The following MAML2 variants were observed in gnomAD, a reference collection of about 807,000 sequenced individuals.
MAML2 encodes the protein mastermind-like protein 2.
A neutral mutation model predicts 96.1 loss-of-function variants in MAML2; 22 were observed. The observed-to-expected ratio is 0.23, with a 90% CI of 0.16 to 0.33. The LOEUF (loss-of-function observed/expected upper bound fraction) is 0.33, where lower values mean the gene tolerates loss of function less well. MAML2 is among the 10% of genes least tolerant of loss of function. MAML2 has a pLI of 1.00. For missense variants in MAML2, 1,367 were observed against 1,392.4 expected (o/e 0.98, Z 0.29); for synonymous variants, 561 against 521.3 (o/e 1.08, Z -1.04).
intron 1 of MAML2, among the ~76,000 whole-genome samples, chr11:96,252,436 T>C (rs1272081901): frequency 6.6e-6 from 1 of 150,434 alleles, no homozygotes; most frequent in African/African-American, 2.5e-5. Flanking sequence ...TTTTTTTTTT[T>C]TTTTTTTTGA....
At chr11:96,077,144 A>AT (rs960122576) in intron 2 of MAML2, among the ~76,000 whole-genome samples, 135 of 147,154 alleles carry the variant, frequency 9.2e-4, no homozygotes, top group African/African-American at 3.2e-3. Context: ...TCAGAAATGC[A>AT]TTTTTTGGCT....
intron 1 of MAML2, among the ~76,000 whole-genome samples, chr11:96,335,989 A>G (rs561251671): frequency 6.6e-6 from 1 of 152,206 alleles, no homozygotes; most frequent in African/African-American, 2.4e-5. Flanking sequence ...TCTCTCTACT[A>G]CCAACTACTA....
chr11:96,027,138 C>T (rs1858537378), intron 2 of MAML2, among the ~76,000 whole-genome samples: 1 of 152,162 alleles, frequency 6.6e-6, no homozygotes, highest in South Asian at 2.1e-4. Context: ...ACTGAATTGG[C>T]TACAGTCTCA....
intron 2 of MAML2, among the ~76,000 whole-genome samples, chr11:96,016,767 T>G (rs1858358922): frequency 6.6e-6 from 1 of 152,136 alleles, no homozygotes; most frequent in Non-Finnish European, 1.5e-5. Flanking sequence ...TAATAACTAT[T>G]GTTAGTATCC....
At position 95,979,474 on chromosome 11, in the gene MAML2, G is replaced by A; in HGVS notation, c.2945C>T (p.Ala982Val). ...TGTACCTGTGGGGAAGCGGACTCCTGCAGACGTCAGGGCTTCTTGCTGTTT... is the reference window on the plus strand; with the variant it reads ...TGTACCTGTGGGGAAGCGGACTCCTACAGACGTCAGGGCTTCTTGCTGTTT... ...TSKQQEALTS[A>V]GVRFPTGTPA... The change falls in exon 5 of 5, where the codon GCA becomes GTA. Residue 982 changes from alanine (A) to valine (V), a missense_variant. By Grantham distance (64) the Ala-to-Val change is moderately conservative (BLOSUM62 0). Coordinates refer to ENST00000524717, the MANE Select transcript of MAML2 (RefSeq NM_032427.4). 6.2e-7 allele frequency: 1 copy of A among 1,613,592 alleles called. No individual in the cohort carries two copies. The highest frequency in any genetic ancestry group is 8.5e-7 in the Non-Finnish European group (1 of 1,179,726).
At chr11:96,121,050 C>A (rs776334471) in intron 1 of MAML2, among the ~76,000 whole-genome samples, 4 of 147,852 alleles carry the variant, frequency 2.7e-5, no homozygotes, top group African/African-American at 1.0e-4. Context: ...TCATAACTAA[C>A]GAAAAAGTAG....
At chr11:96,060,299 C>T (rs563525019) in intron 2 of MAML2, among the ~76,000 whole-genome samples, 2 of 152,290 alleles carry the variant, frequency 1.3e-5, no homozygotes, top group African/African-American at 4.8e-5. Context: ...TTTTACAGTA[C>T]AGTAAACCAG....
At chr11:96,000,742 G>T (rs937330419) in intron 2 of MAML2, among the ~76,000 whole-genome samples, 1 of 152,180 alleles carries the variant, frequency 6.6e-6, no homozygotes, top group African/African-American at 2.4e-5. Context: ...TAAAGACGCT[G>T]CCCAGAAAGT....
chr11:96,087,244 T>C (rs1301536607), intron 2 of MAML2, among the ~76,000 whole-genome samples: 1 of 152,208 alleles, frequency 6.6e-6, no homozygotes, highest in Non-Finnish European at 1.5e-5. Context: ...CTCCTGCTAA[T>C]TTTCCAATTA....
Position 95,978,246 on chromosome 11 carries a change from A to T in MAML2, c.*702T>A, listed in dbSNP as rs990553356. 9.7e-6 allele frequency: 2 copies of T among 206,264 alleles called. No homozygotes were observed. The highest frequency in any genetic ancestry group is 4.6e-5 in the African/African-American group (2 of 43,850). 12.8% of individuals were successfully genotyped at this position (206,264 alleles called of 1,614,324 possible). Reference sequence around the variant, plus strand: ...AATTTCATTTGGAATGGATTCAGATATTCGTTGTGGAAGCCAAAATCAAAT... The same window carrying T: ...AATTTCATTTGGAATGGATTCAGATTTTCGTTGTGGAAGCCAAAATCAAAT... On this transcript the variant is annotated 3_prime_UTR_variant, in exon 5 of 5. Coordinates refer to ENST00000524717, the MANE Select transcript of MAML2 (RefSeq NM_032427.4).
At chr11:96,261,457 TG>T (rs1342565912) in intron 1 of MAML2, among the ~76,000 whole-genome samples, 1 of 152,218 alleles carries the variant, frequency 6.6e-6, no homozygotes, top group African/African-American at 2.4e-5. Flanking sequence ...TGACATTTAT[TG>T]AGAGGAAAGA....
At position 96,065,658 on chromosome 11, in the gene MAML2, G is replaced by A. The variant is rs561063225; in HGVS notation, c.2139+26234C>T. ...GAACTACAGTAACTGCTTGTCATAA[G>A]TGGTATTACTTAATCCTTATAACAA... On this transcript the variant is annotated intron_variant, in intron 2 of 4. Transcript: ENST00000524717. Among the ~76,000 whole-genome samples the A allele has an allele frequency of 1.2e-3, 183 of 152,314 alleles. 1 individual carries two copies. Among genetic ancestry groups the A allele is most frequent in the African/African-American group, 4.3e-3 (177 of 41,556 alleles).
rs139546245 is a variant in MAML2, at chr11:96,109,151, G to C, written c.514-15634C>G. ...GAGGAAACATCCATTTCATTCTGGA[G>C]GGTTATTCCAGGGAACCACTATAGT... is the stretch of plus-strand genomic sequence containing the variant. On this transcript the variant is annotated intron_variant, in intron 1 of 4. Coordinates refer to ENST00000524717, the MANE Select transcript of MAML2 (RefSeq NM_032427.4). 3.8e-3 allele frequency among the ~76,000 whole-genome samples: 575 copies of C among 152,280 alleles called. 5 individuals are homozygous for C. Among genetic ancestry groups the C allele is most frequent in the African/African-American group, 0.013 (537 of 41,542 alleles).
At chr11:96,063,429 G>A (rs1859198420) in intron 2 of MAML2, among the ~76,000 whole-genome samples, 1 of 152,060 alleles carries the variant, frequency 6.6e-6, no homozygotes, top group African/African-American at 2.4e-5. Flanking sequence ...TTGAATGCAT[G>A]GTTCTACTAT....
At chr11:96,217,007 C>T (rs934077195) in intron 1 of MAML2, among the ~76,000 whole-genome samples, 5 of 152,156 alleles carry the variant, frequency 3.3e-5, no homozygotes, top group Non-Finnish European at 7.4e-5. Context: ...AGGAATATGA[C>T]TGGAGACCAG....
At chr11:96,337,959 G>C (rs1298157597) in intron 1 of MAML2, among the ~76,000 whole-genome samples, 1 of 152,190 alleles carries the variant, frequency 6.6e-6, no homozygotes, top group South Asian at 2.1e-4. Flanking sequence ...TGATCCAGCA[G>C]GCACAAAACC....
At chr11:95,986,142 G>A (rs998077862) in intron 3 of MAML2, among the ~76,000 whole-genome samples, 10 of 152,166 alleles carry the variant, frequency 6.6e-5, no homozygotes, top group African/African-American at 2.4e-4. Context: ...GAAAGCATAG[G>A]AGGTAGGGTT....
chr11:95,977,868 G>T lies in MAML2; in HGVS notation c.*1080C>A, dbSNP rs7114756. Reference sequence around the variant, plus strand: ...AAATTGTTTTCCCTCTTGATTATGCGTTCCTTCAAACTCCGTGAAATACAT... The same window carrying T: ...AAATTGTTTTCCCTCTTGATTATGCTTTCCTTCAAACTCCGTGAAATACAT... On this transcript the variant is annotated 3_prime_UTR_variant, in exon 5 of 5. Coordinates refer to ENST00000524717, the MANE Select transcript of MAML2 (RefSeq NM_032427.4). The T allele has an allele frequency of 0.22, 49,276 of 225,130 alleles. 6,047 individuals carry two copies. Among genetic ancestry groups the T allele is most frequent in the Admixed American group, 0.33 (5,689 of 17,498 alleles). The allele number at this position is 225,130 out of a possible 1,614,324, so 13.9% of individuals were successfully genotyped here. A position where few individuals can be genotyped will look rare whatever the true frequency, so the allele number is the denominator to read the frequency against.
intron 2 of MAML2, among the ~76,000 whole-genome samples, chr11:96,000,344 T>G (rs1463820125): frequency 6.6e-6 from 1 of 152,200 alleles, no homozygotes; most frequent in African/African-American, 2.4e-5. Flanking sequence ...GTAAATAAAA[T>G]TTTATTGGAA....
Sources: allele counts gnomAD v4.1 joint callset (sites outside exome capture counted in the v4.1 genomes callset), GRCh38; gene constraint gnomAD v4.1.1; transcripts MANE v1.5; gene names NCBI Gene and HGNC (gene_info 2026-07-23, HGNC 2026-07-21).